Variants in SLC6A4 observed in about 807,000 individuals in gnomAD.
SLC6A4 encodes solute carrier family 6 member 4.
A neutral mutation model predicts 73.4 loss-of-function variants in SLC6A4; 22 were observed. The observed-to-expected ratio is 0.30, with a 90% CI of 0.21 to 0.43. The LOEUF (loss-of-function observed/expected upper bound fraction) is 0.43, where lower values mean the gene tolerates loss of function less well. Ranked by LOEUF, SLC6A4 falls within the 20% of genes least tolerant of loss-of-function variation. The probability of loss-of-function intolerance (pLI) is 1.00; values close to 1 mark genes in which losing one functional copy is unlikely to be tolerated. For missense variants in SLC6A4, 593 were observed against 808.5 expected (o/e 0.73, Z 3.23); for synonymous variants, 270 against 315.5 (o/e 0.86, Z 1.53).
chr17:30,203,611 A>C, intron 13 of SLC6A4: 3 of 418,862 alleles, frequency 7.2e-6, no homozygotes, highest in Non-Finnish European at 8.8e-6. Flanking sequence ...AGCTGCCCCT[A>C]CAGTCGGGGC....
At chr17:30,214,422 CAAAAAAAAA>C (rs748274109) in intron 8 of SLC6A4, among the ~76,000 whole-genome samples, 2 of 79,534 alleles carry the variant, frequency 2.5e-5, no homozygotes, top group Non-Finnish European at 4.4e-5. Context: ...AACTCCGTCT[CAAAAAAAAA>C]AAAAAAAAAA....
chr17:30,232,426 T>C (rs769349741), intron 1 of SLC6A4, among the ~76,000 whole-genome samples: 5 of 152,228 alleles, frequency 3.3e-5, no homozygotes, highest in South Asian at 2.1e-4. Flanking sequence ...CTGTCACTCG[T>C]CAGTACCTGA....
At chr17:30,230,077 A>AGAAGAAGAG (rs1907045652) in intron 1 of SLC6A4, among the ~76,000 whole-genome samples, 2 of 120,752 alleles carry the variant, frequency 1.7e-5, no homozygotes, top group African/African-American at 8.7e-5. Context: ...AAGAAGAAGA[A>AGAAGAAGAG]GAAGAAGAAG....
At chr17:30,200,191 A>G (rs1474256211) in intron 14 of SLC6A4, among the ~76,000 whole-genome samples, 2 of 152,172 alleles carry the variant, frequency 1.3e-5, no homozygotes, top group Admixed American at 1.3e-4. Flanking sequence ...TTGTGCCCTT[A>G]CCTACCCACA....
chr17:30,217,300 G>A lies in SLC6A4; in HGVS notation c.703C>T (p.His235Tyr), dbSNP rs755390416. 3.1e-6 allele frequency: 5 copies of A among 1,613,532 alleles called. No individual in the cohort carries two copies. The highest frequency in any genetic ancestry group is 2.2e-5 in the East Asian group (1 of 44,882). Reference sequence around the variant, plus strand: ...TTAGACCGGTGGATCTGCAGGACGTGGCGCCTGGGGTGAAGGAGAAAGAAA... The same window carrying A: ...TTAGACCGGTGGATCTGCAGGACGTAGCGCCTGGGGTGAAGGAGAAAGAAA... ...TSPAEEFYTR[H>Y]VLQIHRSKGL... Residue 235 changes from histidine to tyrosine, a missense_variant, in exon 6 of 15, where the codon CAC becomes TAC. Physicochemically the swap from His to Tyr is moderately conservative, Grantham distance 83. Transcript: ENST00000650711.
intron 14 of SLC6A4, among the ~76,000 whole-genome samples, chr17:30,201,189 T>G (rs931705339): frequency 1.3e-5 from 2 of 152,112 alleles, no homozygotes; most frequent in Non-Finnish European, 2.9e-5. Context: ...GAACACACTT[T>G]GGGAAATGTT....
intron 13 of SLC6A4, among the ~76,000 whole-genome samples, chr17:30,203,980 C>T (rs896864362): frequency 2.6e-5 from 4 of 152,244 alleles, no homozygotes; most frequent in African/African-American, 9.6e-5. Context: ...AAGGATGGCT[C>T]TGCCACTAGG....
chr17:30,200,377 T>C (rs2143013137), intron 14 of SLC6A4, among the ~76,000 whole-genome samples: 1 of 152,344 alleles, frequency 6.6e-6, no homozygotes, highest in Non-Finnish European at 1.5e-5. Flanking sequence ...CCTCTTCATA[T>C]CTTCATAAAC....
rs941161937 is a variant in SLC6A4, at chr17:30,211,844, T to C, written c.1205-420A>G. On this transcript the variant is annotated intron_variant, in intron 9 of 14. Coordinates refer to ENST00000650711, the MANE Select transcript of SLC6A4 (RefSeq NM_001045.6). This position sits in a 1 kb window ranked among gnomAD's most constrained non-coding sequence, Gnocchi z 4.0. ...CTTCAGAACAGTAGGAAATGTTAAA[T>C]TGATTTCCGTAGAGTCACAGAGGCT... is the stretch of plus-strand genomic sequence containing the variant. Among the ~76,000 whole-genome samples the C allele has an allele frequency of 1.3e-5, 2 of 152,218 alleles. No individual in the cohort carries two copies. The highest frequency in any genetic ancestry group is 4.8e-5 in the African/African-American group (2 of 41,440).
intron 13 of SLC6A4, chr17:30,204,320 T>C (rs1906124377): frequency 6.6e-6 from 1 of 152,154 alleles, no homozygotes; most frequent in Admixed American, 6.5e-5. Flanking sequence ...TGTCTGCAGG[T>C]AATAAAATGG....
In SLC6A4 at chr17:30,216,206, A is replaced by C. The variant is rs1906566900; in HGVS notation, c.848T>G (p.Val283Gly). ...GVKTSGKVVWVTATFPYIILS... is the reference protein window; with the variant it reads ...GVKTSGKVVWGTATFPYIILS... ...GATGATATAAGGGAAGGTGGCTGTC[A>C]CCCACACCACCTGTAAGGAAGAAGG... The change falls in exon 7 of 15, where the codon GTG becomes GGG. Residue 283 changes from valine to glycine, a missense_variant. Transcript: ENST00000650711. The C allele has an allele frequency of 6.9e-7, 1 of 1,451,892 alleles. No homozygotes were observed. The highest frequency in any genetic ancestry group is 9.3e-7 in the Non-Finnish European group (1 of 1,078,444). 89.9% of individuals were successfully genotyped at this position (1,451,892 alleles called of 1,614,324 possible).
chr17:30,230,827 C>T (rs1402871682), intron 1 of SLC6A4, among the ~76,000 whole-genome samples: 2 of 152,064 alleles, frequency 1.3e-5, no homozygotes, highest in Non-Finnish European at 2.9e-5. Flanking sequence ...ACCTCTTCAG[C>T]CACAAGGTGT....
At position 30,195,368 on chromosome 17, in the gene SLC6A4, A is replaced by T. The variant is rs1160588903; in HGVS notation, c.*3088T>A. 2 of 152,124 alleles carry T rather than the reference A, an allele frequency of 1.3e-5. No homozygotes were observed. Among genetic ancestry groups the T allele is most frequent in the African/African-American group, 4.8e-5 (2 of 41,406 alleles). The allele number at this position is 152,124 out of a possible 1,614,324, so 9.4% of individuals were successfully genotyped here. A position where few individuals can be genotyped will look rare whatever the true frequency, so the allele number is the denominator to read the frequency against. On this transcript the variant is annotated 3_prime_UTR_variant, in exon 15 of 15. Transcript: ENST00000650711. ...CTCCGCCTCCCAGGTTCAAGTGATTATCCCACCTCAGTCTCCCAAGTAGCT... is the reference window on the plus strand; with the variant it reads ...CTCCGCCTCCCAGGTTCAAGTGATTTTCCCACCTCAGTCTCCCAAGTAGCT...
rs550626016 is a variant in SLC6A4 at position 30,232,688 on chromosome 17, A to G, written c.-221+2925T>C. On this transcript the variant is annotated intron_variant, in intron 1 of 14. Transcript: ENST00000650711. ...AGTCAGACTGCCTCACATCCACTTT[A>G]TCGCTACTCATTTTGTCACCTCATT... Among the ~76,000 whole-genome samples, 3 of 152,332 alleles carry G rather than the reference A, an allele frequency of 2.0e-5. No homozygotes were observed. The East Asian group carries it at 5.8e-4, about 29-fold the overall frequency.
rs189087995 is a variant in SLC6A4, at chr17:30,207,580, G to A, written c.1650+152C>T. 5.6e-5 allele frequency: 31 copies of A among 557,096 alleles called. No homozygotes were observed. In the East Asian group the frequency reaches 8.2e-4, roughly 15 times the overall value. 34.5% of individuals were successfully genotyped at this position (557,096 alleles called of 1,614,324 possible). A position where few individuals can be genotyped will look rare whatever the true frequency, so the allele number is the denominator to read the frequency against. On this transcript the variant is annotated intron_variant, in intron 13 of 14. Coordinates refer to ENST00000650711, the MANE Select transcript of SLC6A4 (RefSeq NM_001045.6). ...TTTTTGTATTTTTTTAAGTAGAGACGGGGTTTTGCCATGTTGGCCGCCTGC... is the reference window on the plus strand; with the variant it reads ...TTTTTGTATTTTTTTAAGTAGAGACAGGGTTTTGCCATGTTGGCCGCCTGC...
chr17:30,209,282 G>C lies in SLC6A4; in HGVS notation c.1450-40C>G, dbSNP rs34332000. 1.5e-3 allele frequency: 1,898 copies of C among 1,278,770 alleles called. 28 individuals are homozygous for C. The African/African-American group carries it at 0.024, about 16-fold the overall frequency. The allele number at this position is 1,278,770 out of a possible 1,614,324, so 79.2% of individuals were successfully genotyped here. On this transcript the variant is annotated intron_variant, in intron 11 of 14. Transcript: ENST00000650711. ...AGAGCCTGGGTGAGGGCCCTCCAAG[G>C]AGCCACCCCTCCCAACTACAGAGAC... is the stretch of plus-strand genomic sequence containing the variant.
At position 30,224,144 on chromosome 17, in the gene SLC6A4, T is replaced by A. The variant is rs563374164; in HGVS notation, c.-220-1229A>T. On this transcript the variant is annotated intron_variant, in intron 1 of 14. Coordinates refer to ENST00000650711, the MANE Select transcript of SLC6A4 (RefSeq NM_001045.6). ...AGGCCAAATGGCAGGGAGGAAGAGC[T>A]TTTCCCTGTGCGGCTGGAGGGCACC... is the stretch of plus-strand genomic sequence containing the variant. Among the ~76,000 whole-genome samples, 759 of 152,110 alleles carry A rather than the reference T, an allele frequency of 5.0e-3. 4 individuals are homozygous for A. Among genetic ancestry groups the A allele is most frequent in the African/African-American group, 0.018 (731 of 41,484 alleles).
Position 30,218,151 on chromosome 17 carries a change from A to T in SLC6A4, c.665T>A (p.Leu222His). The change falls in exon 5 of 15, where the codon CTC (leucine) becomes CAC (histidine). Residue 222 changes from leucine to histidine, a missense_variant. Transcript: ENST00000650711. ...YFSEDNITWTLHSTSPAEEFY... is the reference protein window; with the variant it reads ...YFSEDNITWTHHSTSPAEEFY... ...TTCTTCAGCAGGGGACGTGGAATGG[A>T]GGGTCCAGGTGATGTTGTCCTCGGA... 6.2e-7 allele frequency: 1 copy of T among 1,614,166 alleles called. No homozygotes were observed. Among genetic ancestry groups the T allele is most frequent in the Non-Finnish European group, 8.5e-7 (1 of 1,180,028 alleles).
chr17:30,205,804 T>C (rs887216618), intron 13 of SLC6A4, among the ~76,000 whole-genome samples: 7 of 152,178 alleles, frequency 4.6e-5, no homozygotes, highest in Non-Finnish European at 7.3e-5. Context: ...AACAAGCATG[T>C]TGTCCATCAT....
Sources: gnomAD v4.1 joint callset for allele counts (sites outside exome capture counted in the v4.1 genomes callset) on GRCh38, gnomAD v4.1.1 for gene constraint, Gnocchi (gnomAD v3.1) non-coding constraint, MANE v1.5 for transcripts, NCBI Gene and HGNC (gene_info 2026-07-23, HGNC 2026-07-21) for gene names.